The following DMD variants were observed in gnomAD, a reference collection of about 807,000 sequenced individuals.
DMD encodes mutant dystrophin.
Under a neutral mutation model 330.1 loss-of-function variants are expected in DMD, and 63 were observed. The ratio of observed to expected loss-of-function variants is 0.19; its 90% CI spans 0.16 to 0.24. The LOEUF (loss-of-function observed/expected upper bound fraction) is 0.24, where lower values mean the gene tolerates loss of function less well. DMD is among the 10% of genes least tolerant of loss of function. The pLI, the probability that DMD is intolerant of heterozygous loss-of-function variation, is 1.00. For missense variants in DMD, 3,344 were observed against 2,684.1 expected, an observed-to-expected ratio of 1.25 and a Z score of -5.43; for synonymous variants, 1,223 against 959.8, an observed-to-expected ratio of 1.27 and a Z score of -5.07.
At chrX:32,836,415 C>T (rs1192261634) in intron 4 of DMD, among the ~76,000 whole-genome samples, 1 of 111,027 alleles carries the variant, frequency 9.0e-6, no homozygotes, top group Non-Finnish European at 1.9e-5. Context: ...TTAATATTTC[C>T]CTTCCATTTT....
At chrX:32,920,120 T>C (rs756921071) in intron 2 of DMD, among the ~76,000 whole-genome samples, 15 of 111,821 alleles carry the variant, frequency 1.3e-4, no homozygotes, top group South Asian at 7.5e-4. Flanking sequence ...TAATCACTAT[T>C]ATGTAATAGT....
In DMD at chrX:32,452,381, GGGAAAGGGAAAGGGAAGGGAAA is replaced by G. The variant is rs1203561181; in HGVS notation, c.3603+2259_3603+2280del. Among the ~76,000 whole-genome samples, 34 of 17,096 alleles carry G rather than the reference GGGAAAGGGAAAGGGAAGGGAAA, an allele frequency of 2.0e-3. 5 individuals are homozygous for G. Among genetic ancestry groups the G allele is most frequent in the Middle Eastern group, 0.022 (1 of 46 alleles). 14.8% of individuals were successfully genotyped at this position (17,096 alleles called of 115,157 possible). The stretch of plus-strand genomic sequence containing the variant: ...AGGGAAAGGGAAAGGGAAAGGGAAA[GGGAAAGGGAAAGGGAAGGGAAA>G]GGAAAGGGAAAGGGAAAGGGAAAGG... On this transcript the variant is annotated intron_variant, in intron 26 of 78. Transcript: ENST00000357033.
intron 41 of DMD, among the ~76,000 whole-genome samples, chrX:32,334,539 C>A (rs754635133): frequency 1.5e-3 from 171 of 111,631 alleles, no homozygotes; most frequent in African/African-American, 5.0e-3. Flanking sequence ...ACCATTAAAT[C>A]TAGGCTCAGA....
chrX:32,079,367 G>C (rs2096375141), intron 44 of DMD, among the ~76,000 whole-genome samples: 1 of 111,494 alleles, frequency 9.0e-6, no homozygotes, highest in African/African-American at 3.3e-5. Flanking sequence ...GGCTGAGGCG[G>C]GTGGATCGCT....
chrX:32,836,263 C>T (rs770606499), intron 4 of DMD, among the ~76,000 whole-genome samples: 1 of 109,927 alleles, frequency 9.1e-6, no homozygotes, highest in East Asian at 2.9e-4. Flanking sequence ...AACTCCTGAC[C>T]TCAGGTGATC....
Position 32,816,562 on chromosome X carries a change from G to T in DMD, c.436C>A (p.Gln146Lys). 2 of 1,211,218 alleles carry T rather than the reference G, an allele frequency of 1.7e-6. No homozygotes were observed. The highest frequency in any genetic ancestry group is 2.2e-6 in the Non-Finnish European group (2 of 895,059). The change falls in exon 6 of 79, where the codon CAA (glutamine) becomes AAA (lysine). Residue 146 changes from glutamine (Q) to lysine (K), a missense_variant. Coordinates refer to ENST00000357033, the MANE Select transcript of DMD (RefSeq NM_004006.3). Reference sequence around the variant, plus strand: ...ACCTGTGGATAATTACGAGTTGATTGTCGGACCCAGCTCAGGAGAATCTTT... The same window carrying T: ...ACCTGTGGATAATTACGAGTTGATTTTCGGACCCAGCTCAGGAGAATCTTT... ...SEKILLSWVR[Q>K]STRNYPQVNV... is the part of the protein sequence containing the mutation.
chrX:31,443,399 C>T (rs2065073040), intron 60 of DMD, among the ~76,000 whole-genome samples: 1 of 111,440 alleles, frequency 9.0e-6, no homozygotes, highest in South Asian at 3.9e-4. Context: ...AACCTGTGTA[C>T]TGTAATAATA....
intron 30 of DMD, among the ~76,000 whole-genome samples, chrX:32,396,785 T>C (rs1032742826): frequency 9.0e-6 from 1 of 111,721 alleles, no homozygotes; most frequent in African/African-American, 3.2e-5. Context: ...TGACACATAT[T>C]TGCCAGCATC....
chrX:32,733,074 C>T (rs1434014655), intron 7 of DMD, among the ~76,000 whole-genome samples: 1 of 107,719 alleles, frequency 9.3e-6, no homozygotes, highest in Non-Finnish European at 1.9e-5. Context: ...GAAGATCTAC[C>T]AAGCAAATGG....
chrX:32,870,493 TA>T (rs2082864107), intron 2 of DMD, among the ~76,000 whole-genome samples: 1 of 111,209 alleles, frequency 9.0e-6, no homozygotes. Context: ...TAAGCAAAAA[TA>T]ACAAAGCTAG....
chrX:31,912,053 C>G (rs764441470), intron 47 of DMD, among the ~76,000 whole-genome samples: 1 of 111,284 alleles, frequency 9.0e-6, no homozygotes, highest in Admixed American at 9.5e-5. Context: ...CGACAACTGG[C>G]GATGCCCAGT....
At chrX:31,389,463 A>C (rs2060599343) in intron 60 of DMD, among the ~76,000 whole-genome samples, 1 of 112,267 alleles carries the variant, frequency 8.9e-6, no homozygotes, top group South Asian at 3.7e-4. Flanking sequence ...AGCTGATATC[A>C]GTCAATAAGA....
chrX:32,131,569 C>A (rs2096694731), intron 44 of DMD, among the ~76,000 whole-genome samples: 1 of 111,914 alleles, frequency 8.9e-6, no homozygotes, highest in Non-Finnish European at 1.9e-5. Flanking sequence ...GTATAGACAT[C>A]CTAACATTCT....
chrX:31,930,315 G>A (rs1344613131), intron 46 of DMD, among the ~76,000 whole-genome samples: 2 of 110,664 alleles, frequency 1.8e-5, no homozygotes, highest in Non-Finnish European at 3.8e-5. Context: ...GAGACAAAGG[G>A]GTTAAATACC....
intron 7 of DMD, among the ~76,000 whole-genome samples, chrX:32,730,278 G>A (rs1314660191): frequency 8.9e-6 from 1 of 112,415 alleles, no homozygotes; most frequent in Non-Finnish European, 1.9e-5. Context: ...TCAGGAGTTG[G>A]AGGCCTGTGG....
intron 30 of DMD, among the ~76,000 whole-genome samples, chrX:32,404,902 T>A (rs1416289400): frequency 9.0e-6 from 1 of 111,522 alleles, no homozygotes; most frequent in African/African-American, 3.2e-5. Flanking sequence ...TTTGTCTAAA[T>A]TAAAATTTGT....
intron 2 of DMD, among the ~76,000 whole-genome samples, chrX:32,950,202 T>C (rs1268371134): frequency 9.0e-6 from 1 of 110,940 alleles, no homozygotes; most frequent in Non-Finnish European, 1.9e-5. Context: ...GCAGCAGCAG[T>C]AGTAACAGCA....
At chrX:33,012,754 C>G (rs2093724940) in intron 2 of DMD, among the ~76,000 whole-genome samples, 1 of 110,825 alleles carries the variant, frequency 9.0e-6, no homozygotes. Flanking sequence ...TAGTGTTAAG[C>G]CAGCACATTT....
chrX:32,388,107 C>T (rs1434740330), intron 32 of DMD, among the ~76,000 whole-genome samples: 1 of 111,167 alleles, frequency 9.0e-6, no homozygotes, highest in Non-Finnish European at 1.9e-5. Context: ...TTCAATTGGT[C>T]CTGACATTTA....
Sources: gnomAD v4.1 joint callset for allele counts (sites outside exome capture counted in the v4.1 genomes callset) on GRCh38, gnomAD v4.1.1 for gene constraint, MANE v1.5 for transcripts, NCBI Gene and HGNC (gene_info 2026-07-23, HGNC 2026-07-21) for gene names.